GPC5: variants seen among roughly 807,000 people sequenced by gnomAD.
The protein encoded by GPC5 is glypican 5.
In GPC5, 47 loss-of-function variants were observed where a neutral mutation model predicts 53.9. The observed-to-expected ratio is 0.87, with a 90% confidence interval of 0.69 to 1.11. The LOEUF (loss-of-function observed/expected upper bound fraction) is 1.11, where lower values mean the gene tolerates loss of function less well. Among genes scored for constraint, GPC5 ranks in the 50% most tolerant of loss-of-function variants. GPC5 has a pLI of 0.00. For synonymous variants in GPC5, 286 were observed against 263.3 expected (o/e 1.09, Z -0.84); for missense variants, 748 against 713.1 (o/e 1.05, Z -0.56).
chr13:91,403,389 A>G (rs191047167), intron 1 of GPC5, among the ~76,000 whole-genome samples: 1 of 152,194 alleles, frequency 6.6e-6, no homozygotes, highest in African/African-American at 2.4e-5. Flanking sequence ...GGCTATTATT[A>G]TAAGGAAGGT....
intron 7 of GPC5, among the ~76,000 whole-genome samples, chr13:92,197,919 CAGT>C (rs758374013): frequency 5.9e-5 from 9 of 152,104 alleles, no homozygotes; most frequent in Non-Finnish European, 1.3e-4. Flanking sequence ...TGCATGCCAA[CAGT>C]AGTACATTGC....
At chr13:91,815,208 A>G (rs191030999) in intron 5 of GPC5, among the ~76,000 whole-genome samples, 4 of 152,226 alleles carry the variant, frequency 2.6e-5, no homozygotes, top group Admixed American at 2.6e-4. Flanking sequence ...TCTACAAAAG[A>G]AAATAATAAT....
chr13:91,682,717 G>C (rs1374282825), intron 2 of GPC5, among the ~76,000 whole-genome samples: 3 of 152,144 alleles, frequency 2.0e-5, no homozygotes, highest in Non-Finnish European at 4.4e-5. Context: ...GTGAACATAA[G>C]AAGTGAAAGA....
At chr13:91,681,974 C>T (rs2035518123) in intron 2 of GPC5, among the ~76,000 whole-genome samples, 1 of 150,338 alleles carries the variant, frequency 6.7e-6, no homozygotes, top group East Asian at 2.0e-4. Flanking sequence ...TACATCTATC[C>T]CTTTTCAGCT....
At chr13:92,130,105 G>A (rs1265463138) in intron 6 of GPC5, among the ~76,000 whole-genome samples, 3 of 152,074 alleles carry the variant, frequency 2.0e-5, no homozygotes, top group Admixed American at 6.6e-5. Context: ...CTGGAAGCTG[G>A]AGACAATGAA....
intron 2 of GPC5, among the ~76,000 whole-genome samples, chr13:91,518,639 G>A (rs1454469026): frequency 2.6e-5 from 4 of 151,986 alleles, no homozygotes; most frequent in Non-Finnish European, 4.4e-5. Flanking sequence ...TGCAAGCTCC[G>A]CCTCCCAGGT....
intron 7 of GPC5, among the ~76,000 whole-genome samples, chr13:92,371,597 A>C (rs554159594): frequency 2.6e-5 from 4 of 152,268 alleles, no homozygotes; most frequent in African/African-American, 9.6e-5. Context: ...GAAACTTATG[A>C]TCATGGTGGA....
chr13:91,440,017 C>T (rs1555307602), intron 1 of GPC5, among the ~76,000 whole-genome samples: 1 of 152,034 alleles, frequency 6.6e-6, no homozygotes, highest in Non-Finnish European at 1.5e-5. Context: ...TTGCCTTTTC[C>T]TTTTTTCTTA....
At chr13:92,623,419 C>T (rs920481489) in intron 7 of GPC5, among the ~76,000 whole-genome samples, 2 of 152,210 alleles carry the variant, frequency 1.3e-5, no homozygotes, top group Non-Finnish European at 2.9e-5. Context: ...AGAAGTCTCT[C>T]GCCCTACAGT....
intron 7 of GPC5, among the ~76,000 whole-genome samples, chr13:92,783,626 G>T (rs1341465918): frequency 2.6e-5 from 4 of 152,196 alleles, no homozygotes; most frequent in Non-Finnish European, 5.9e-5. Context: ...GAATCCATTA[G>T]TTTCCCTGAT....
intron 5 of GPC5, among the ~76,000 whole-genome samples, chr13:91,845,630 C>A (rs914174251): frequency 1.3e-5 from 2 of 152,140 alleles, no homozygotes; most frequent in African/African-American, 2.4e-5. Flanking sequence ...GGGCTTTTGG[C>A]TCTTCTTCTG....
At chr13:92,423,891 G>A (rs180854848) in intron 7 of GPC5, among the ~76,000 whole-genome samples, 62 of 152,184 alleles carry the variant, frequency 4.1e-4, no homozygotes, top group East Asian at 3.1e-3. Context: ...TATCAGAGCC[G>A]CGTTAAACAG....
intron 2 of GPC5, among the ~76,000 whole-genome samples, chr13:91,665,215 C>T (rs967694534): frequency 3.9e-5 from 6 of 152,156 alleles, no homozygotes; most frequent in African/African-American, 1.4e-4. Context: ...AAGGCTTCTC[C>T]GTATTTTTTC....
intron 5 of GPC5, among the ~76,000 whole-genome samples, chr13:91,781,564 A>G (rs1428973466): frequency 5.3e-5 from 8 of 152,240 alleles, no homozygotes; most frequent in African/African-American, 9.6e-5. Context: ...AACAAGTAAT[A>G]GTTACCATTT....
chr13:91,807,093 G>C (rs1392180161), intron 5 of GPC5, among the ~76,000 whole-genome samples: 2 of 152,044 alleles, frequency 1.3e-5, no homozygotes, highest in Non-Finnish European at 2.9e-5. Flanking sequence ...AGTTTATTAA[G>C]AATAGGCTTC....
chr13:91,671,562 C>A (rs1199899791), intron 2 of GPC5, among the ~76,000 whole-genome samples: 1 of 151,774 alleles, frequency 6.6e-6, no homozygotes, highest in Non-Finnish European at 1.5e-5. Flanking sequence ...CAAACCACTG[C>A]TCAAGGAAAT....
intron 6 of GPC5, among the ~76,000 whole-genome samples, chr13:92,120,840 A>G (rs2041643230): frequency 6.6e-6 from 1 of 152,194 alleles, no homozygotes; most frequent in Non-Finnish European, 1.5e-5. Context: ...CTGCCTCCAG[A>G]TTATGTAAAT....
intron 7 of GPC5, among the ~76,000 whole-genome samples, chr13:92,433,327 G>A (rs887992109): frequency 6.6e-6 from 1 of 152,076 alleles, no homozygotes; most frequent in African/African-American, 2.4e-5. Flanking sequence ...AAAAGAGGAG[G>A]TTGTTTTATA....
intron 5 of GPC5, among the ~76,000 whole-genome samples, chr13:91,888,818 G>C (rs1372562061): frequency 6.6e-6 from 1 of 152,034 alleles, no homozygotes; most frequent in Non-Finnish European, 1.5e-5. Flanking sequence ...TTCCTCAATA[G>C]AGAAGGAATA....
Sources: gnomAD v4.1 joint callset for allele counts (sites outside exome capture counted in the v4.1 genomes callset) on GRCh38, gnomAD v4.1.1 for gene constraint, MANE v1.5 for transcripts, NCBI Gene and HGNC (gene_info 2026-07-23, HGNC 2026-07-21) for gene names.